Variants in TBC1D32 observed in about 807,000 individuals in gnomAD.
TBC1D32 encodes the protein TBC1 domain family member 32, also known as protein broad-minded.
In TBC1D32, 151 loss-of-function variants were observed where a neutral mutation model predicts 170.3. The observed-to-expected ratio is 0.89, with a 90% CI of 0.78 to 1.01. TBC1D32 has a LOEUF of 1.01. Among genes scored for constraint, TBC1D32 ranks in the 50% least tolerant of loss-of-function variants. The pLI, the probability that TBC1D32 is intolerant of heterozygous loss-of-function variation, is 0.00. For missense variants in TBC1D32, 1,464 were observed against 1,457.1 expected, an observed-to-expected ratio of 1.00 and a Z score of -0.08; for synonymous variants, 498 against 488.0, an observed-to-expected ratio of 1.02 and a Z score of -0.27.
At chr6:121,150,493 G>T (rs1444348029) in intron 24 of TBC1D32, among the ~76,000 whole-genome samples, 1 of 152,178 alleles carries the variant, frequency 6.6e-6, no homozygotes, top group African/African-American at 2.4e-5. Context: ...CCAGGTTTTG[G>T]TATCAGGATG....
intron 21 of TBC1D32, among the ~76,000 whole-genome samples, chr6:121,219,768 G>A (rs545365578): frequency 1.1e-4 from 16 of 152,190 alleles, no homozygotes; most frequent in Non-Finnish European, 1.8e-4. Context: ...GTGTAGCAAC[G>A]CTACGTCAAA....
chr6:121,280,874 C>G (rs1802894264), intron 14 of TBC1D32, among the ~76,000 whole-genome samples: 1 of 151,692 alleles, frequency 6.6e-6, no homozygotes, highest in Non-Finnish European at 1.5e-5. Flanking sequence ...AAAGCAAAAG[C>G]TTTTAACCTA....
chr6:121,115,377 T>G, intron 26 of TBC1D32, 136 bp from the exon 27 acceptor site: 1 of 545,684 alleles, frequency 1.8e-6, no homozygotes, highest in Non-Finnish European at 2.9e-6. Context: ...ATTTATTCTT[T>G]TAGGAACTGT....
intron 15 of TBC1D32, among the ~76,000 whole-genome samples, chr6:121,273,542 C>T (rs1039307774): frequency 2.7e-5 from 4 of 150,600 alleles, no homozygotes; most frequent in South Asian, 2.1e-4. Flanking sequence ...ATGTAAATGA[C>T]GAGTTAATGG....
intron 22 of TBC1D32, chr6:121,170,598 T>C (rs1786839166): frequency 1.7e-6 from 2 of 1,179,112 alleles, no homozygotes. Context: ...ATCCTTGATG[T>C]CTCAAAGTAA....
intron 14 of TBC1D32, among the ~76,000 whole-genome samples, chr6:121,280,869 A>G (rs1423920399): frequency 6.6e-6 from 1 of 151,806 alleles, no homozygotes; most frequent in African/African-American, 2.4e-5. Context: ...ATGAAAAAGC[A>G]AAAGCTTTTA....
At chr6:121,331,826 A>G (rs1811257831) in intron 1 of TBC1D32, among the ~76,000 whole-genome samples, 1 of 152,156 alleles carries the variant, frequency 6.6e-6, no homozygotes, top group Non-Finnish European at 1.5e-5. Flanking sequence ...TTCCTTTCTC[A>G]TATAAAAGAG....
At chr6:121,293,971 T>C (rs1040055281) in intron 11 of TBC1D32, among the ~76,000 whole-genome samples, 6 of 152,108 alleles carry the variant, frequency 3.9e-5, no homozygotes, top group African/African-American at 1.4e-4. Flanking sequence ...TCTATTAGTG[T>C]AGGGAATTAC....
chr6:121,135,122 C>T (rs549292117), intron 24 of TBC1D32, among the ~76,000 whole-genome samples: 1 of 152,122 alleles, frequency 6.6e-6, no homozygotes, highest in African/African-American at 2.4e-5. Flanking sequence ...GTAAGGAAGT[C>T]CAGGGAGAGG....
At chr6:121,237,196 G>A (rs1015408271) in intron 20 of TBC1D32, 11 of 151,736 alleles carry the variant, frequency 7.2e-5, no homozygotes, top group African/African-American at 2.7e-4. Context: ...TTTCCATTTA[G>A]CACATTTAAG....
chr6:121,328,344 G>A lies in TBC1D32; in HGVS notation c.155+5932C>T, dbSNP rs889812786. 2.0e-4 allele frequency among the ~76,000 whole-genome samples: 30 copies of A among 152,046 alleles called. 1 individual carries two copies. Among genetic ancestry groups the A allele is most frequent in the Admixed American group, 1.5e-3 (23 of 15,276 alleles). On this transcript the variant is annotated intron_variant, in intron 1 of 31. Transcript: ENST00000398212. The stretch of plus-strand genomic sequence containing the variant: ...TCTGTCACCCAGGCTGGAGTGCAGT[G>A]ACGCGATCTCGGCTCTCTGCAAGCT...
chr6:121,312,834 A>C (rs1808409033), intron 3 of TBC1D32, among the ~76,000 whole-genome samples: 1 of 152,238 alleles, frequency 6.6e-6, no homozygotes, highest in Non-Finnish European at 1.5e-5. Flanking sequence ...TTTAGTCTTT[A>C]CATAGACAAT....
At chr6:121,190,484 C>T (rs1789857020) in intron 22 of TBC1D32, among the ~76,000 whole-genome samples, 1 of 151,428 alleles carries the variant, frequency 6.6e-6, no homozygotes, top group Non-Finnish European at 1.5e-5. Flanking sequence ...CCCTTCCCTC[C>T]TCACTATCAT....
At chr6:121,160,371 T>G (rs1343896055) in intron 23 of TBC1D32, among the ~76,000 whole-genome samples, 1 of 71,948 alleles carries the variant, frequency 1.4e-5, no homozygotes, top group East Asian at 3.5e-4. Context: ...AATGATAAAT[T>G]TACTGTGTTT....
chr6:121,276,018 A>G (rs1030783385), intron 15 of TBC1D32, among the ~76,000 whole-genome samples: 3 of 151,118 alleles, frequency 2.0e-5, no homozygotes, highest in African/African-American at 4.9e-5. Flanking sequence ...TACTTGGGAG[A>G]CTGAAGCACG....
chr6:121,174,864 T>C (rs4601176), intron 22 of TBC1D32, among the ~76,000 whole-genome samples: 99,021 of 151,708 alleles, frequency 0.65, 37,291 homozygotes, highest in Non-Finnish European at 0.84. Flanking sequence ...AACCTGTCTC[T>C]ATTAAAAATA....
intron 24 of TBC1D32, among the ~76,000 whole-genome samples, chr6:121,140,218 A>C (rs973916482): frequency 1.1e-4 from 17 of 152,040 alleles, no homozygotes; most frequent in Non-Finnish European, 2.2e-4. Context: ...GAAAATTTAC[A>C]AATGATGAAA....
At chr6:121,198,127 G>A (rs145359614) in intron 22 of TBC1D32, among the ~76,000 whole-genome samples, 36 of 145,768 alleles carry the variant, frequency 2.5e-4, no homozygotes, top group Non-Finnish European at 3.6e-4. Flanking sequence ...GATCAGGTAA[G>A]TTAATACTTA....
intron 17 of TBC1D32, among the ~76,000 whole-genome samples, chr6:121,254,545 T>A (rs1039225987): frequency 2.0e-5 from 3 of 152,074 alleles, no homozygotes; most frequent in African/African-American, 7.2e-5. Context: ...TATTAGAAAA[T>A]AAATTATAGA....
Sources: allele counts gnomAD v4.1 joint callset (sites outside exome capture counted in the v4.1 genomes callset), GRCh38; gene constraint gnomAD v4.1.1; transcripts MANE v1.5; gene names NCBI Gene and HGNC (gene_info 2026-07-23, HGNC 2026-07-21).